Variants in PCDHGA1 observed in about 807,000 individuals in gnomAD.
PCDHGA1 encodes the protein protocadherin gamma-A1.
PCDHGA1 carries 32 observed loss-of-function variants against 58.0 expected under a neutral mutation model. The ratio of observed to expected loss-of-function variants is 0.55; its 90% CI spans 0.42 to 0.74. The LOEUF (loss-of-function observed/expected upper bound fraction) is 0.74. PCDHGA1 is among the 30% of genes least tolerant of loss of function. The pLI, the probability that PCDHGA1 is intolerant of heterozygous loss-of-function variation, is 0.00. For synonymous variants in PCDHGA1, 498 were observed against 501.1 expected (o/e 0.99, Z 0.08); for missense variants, 1,205 against 1,182.3 (o/e 1.02, Z -0.28).
intron 1 of PCDHGA1, chr5:141,383,664 G>T (rs1486639863): frequency 6.2e-7 from 1 of 1,614,052 alleles, no homozygotes; most frequent in Non-Finnish European, 8.5e-7. Flanking sequence ...CCGAGAATGT[G>T]CCAGTGGGTA....
intron 1 of PCDHGA1, among the ~76,000 whole-genome samples, chr5:141,484,675 T>C (rs1179759392): frequency 6.6e-6 from 1 of 152,042 alleles, no homozygotes; most frequent in African/African-American, 2.4e-5. Context: ...GGGCCGCAGG[T>C]TGCTAGGGCT....
chr5:141,347,786 C>CAAA (rs1186221035), intron 1 of PCDHGA1, among the ~76,000 whole-genome samples: 1 of 106,298 alleles, frequency 9.4e-6, no homozygotes. Context: ...GACTCCATCT[C>CAAA]AAAAAAAAAA....
At chr5:141,346,526 CAT>C (rs1401798182) in intron 1 of PCDHGA1, 1 of 1,582,090 alleles carries the variant, frequency 6.3e-7, no homozygotes, top group South Asian at 1.2e-5. Flanking sequence ...AGCTTTAACA[CAT>C]ATGTATTTGA....
At chr5:141,364,290 G>A (rs745684468) in intron 1 of PCDHGA1, 1 of 1,518,718 alleles carries the variant, frequency 6.6e-7, no homozygotes, top group East Asian at 2.3e-5. Flanking sequence ...GAAACAGCAG[G>A]CTGAACCAGA....
chr5:141,435,838 C>T (rs1037110579), intron 1 of PCDHGA1, among the ~76,000 whole-genome samples: 1 of 152,062 alleles, frequency 6.6e-6, no homozygotes, highest in Non-Finnish European at 1.5e-5. Context: ...TGCCTATCTA[C>T]TTTGAAAGAT....
At chr5:141,437,445 T>C (rs187869679) in intron 1 of PCDHGA1, among the ~76,000 whole-genome samples, 1 of 152,348 alleles carries the variant, frequency 6.6e-6, no homozygotes, top group East Asian at 1.9e-4. Flanking sequence ...CATAGGAATG[T>C]TGAGGAGACT....
At chr5:141,366,062 G>A in intron 1 of PCDHGA1, 5 of 1,614,234 alleles carry the variant, frequency 3.1e-6, no homozygotes, top group Non-Finnish European at 4.2e-6. Context: ...CGTGGAGCTG[G>A]CGCCTCGCTC....
chr5:141,409,769 G>A (rs1413636372), intron 1 of PCDHGA1: 19 of 1,612,658 alleles, frequency 1.2e-5, no homozygotes, highest in Non-Finnish European at 1.5e-5. Context: ...CTTTGATCAC[G>A]AGCAGCTGCG....
At chr5:141,494,940 AG>A (rs888721888) in intron 2 of PCDHGA1, 75 bp downstream of exon 2, 1 of 1,610,860 alleles carries the variant, frequency 6.2e-7, no homozygotes, top group Non-Finnish European at 8.5e-7. Flanking sequence ...GAGATGGGGG[AG>A]GGCCCAGCAT....
Position 141,415,089 on chromosome 5 carries a change from C to T in PCDHGA1, c.2422-79718C>T, listed in dbSNP as rs1159857230. 1.9e-6 allele frequency: 3 copies of T among 1,613,556 alleles called. No individual in the cohort carries two copies. In the South Asian group the frequency reaches 3.3e-5, roughly 18 times the overall value. The stretch of plus-strand genomic sequence containing the variant: ...TGCGCACGGCGCGAGCCCTGCTGGA[C>T]AGAGACGCGCTCAAGCAAAGCCTCG... On this transcript the variant is annotated intron_variant, in intron 1 of 3. Coordinates refer to ENST00000517417, the MANE Select transcript of PCDHGA1 (RefSeq NM_018912.3).
At chr5:141,404,910 CT>C (rs1185141572) in intron 1 of PCDHGA1, 10 of 1,613,936 alleles carry the variant, frequency 6.2e-6, no homozygotes, top group Non-Finnish European at 8.5e-6. Flanking sequence ...GGCCAGCCCC[CT>C]CTCTCGGCCA....
chr5:141,415,755 T>C (rs753465209), intron 1 of PCDHGA1: 19 of 1,387,632 alleles, frequency 1.4e-5, no homozygotes, highest in Middle Eastern at 2.6e-4. Flanking sequence ...TTTTTTTTTT[T>C]TTTTTTTTTT....
At chr5:141,378,061 A>G (rs1285707649) in intron 1 of PCDHGA1, 4 of 152,212 alleles carry the variant, frequency 2.6e-5, no homozygotes, top group African/African-American at 9.7e-5. Flanking sequence ...TCTGACTCAA[A>G]TTCTAAGAAA....
chr5:141,402,973 C>G (rs779898665), intron 1 of PCDHGA1: 1 of 1,607,926 alleles, frequency 6.2e-7, no homozygotes. Context: ...CAACCAAATG[C>G]CAGCTCCGCG....
chr5:141,352,928 T>C (rs1362352639), intron 1 of PCDHGA1, among the ~76,000 whole-genome samples: 1 of 152,178 alleles, frequency 6.6e-6, no homozygotes, highest in Non-Finnish European at 1.5e-5. Flanking sequence ...GTGGAGATTG[T>C]AGTGAGCCAA....
chr5:141,399,026 A>C (rs1448827116), intron 1 of PCDHGA1: 1 of 1,613,886 alleles, frequency 6.2e-7, no homozygotes, highest in East Asian at 2.2e-5. Flanking sequence ...ATTACCACTC[A>C]AAAGAAACTG....
intron 1 of PCDHGA1, among the ~76,000 whole-genome samples, chr5:141,484,009 T>A (rs1157069536): frequency 7.1e-5 from 1 of 14,094 alleles, no homozygotes; most frequent in African/African-American, 2.8e-4. Flanking sequence ...TGGATGAGGG[T>A]GGGGGTGGGG....
In PCDHGA1 at chr5:141,487,237, T is replaced by A. The variant is rs1327004790; in HGVS notation, c.2422-7570T>A. 1.2e-6 allele frequency: 2 copies of A among 1,614,122 alleles called. No individual in the cohort carries two copies. The highest frequency in any genetic ancestry group is 1.7e-6 in the Non-Finnish European group (2 of 1,179,980). On this transcript the variant is annotated intron_variant, in intron 1 of 3. Coordinates refer to ENST00000517417, the MANE Select transcript of PCDHGA1 (RefSeq NM_018912.3). This position sits in a 1 kb window ranked among gnomAD's most constrained non-coding sequence, Gnocchi z 5.0. ...CAGCTCCAAGGGAAGGAGAATCTCGTCTAACCCTCTACTTGGCTGTGTCCC... is the reference window on the plus strand; with the variant it reads ...CAGCTCCAAGGGAAGGAGAATCTCGACTAACCCTCTACTTGGCTGTGTCCC...
intron 1 of PCDHGA1, chr5:141,430,452 A>G (rs566189732): frequency 2.0e-3 from 408 of 202,442 alleles, no homozygotes; most frequent in South Asian, 3.8e-3. Context: ...CCTTTTGAAG[A>G]ACAGTAGGTG....
Sources: gnomAD v4.1 joint callset for allele counts (sites outside exome capture counted in the v4.1 genomes callset) on GRCh38, gnomAD v4.1.1 for gene constraint, Gnocchi (gnomAD v3.1) non-coding constraint, MANE v1.5 for transcripts, NCBI Gene and HGNC (gene_info 2026-07-23, HGNC 2026-07-21) for gene names.